The following IPO11 variants were observed in gnomAD, a reference collection of about 807,000 sequenced individuals.
The protein encoded by IPO11 is importin-11.
IPO11 carries 66 observed loss-of-function variants against 143.2 expected under a neutral mutation model. The ratio of observed to expected loss-of-function variants is 0.46; its 90% CI spans 0.38 to 0.57. IPO11 has a LOEUF of 0.57. IPO11 is among the 20% of genes least tolerant of loss of function. IPO11 has a pLI of 0.00. For synonymous variants in IPO11, 385 were observed against 377.8 expected (o/e 1.02, Z -0.22); for missense variants, 1,026 against 1,141.0 (o/e 0.90, Z 1.45).
intron 29 of IPO11, among the ~76,000 whole-genome samples, chr5:62,611,097 A>G (rs1014293286): frequency 6.6e-6 from 1 of 152,218 alleles, no homozygotes; most frequent in Non-Finnish European, 1.5e-5. Context: ...ATTGTAGGAC[A>G]TATAACTTTA....
chr5:62,586,969 A>C (rs1744817931), intron 27 of IPO11, among the ~76,000 whole-genome samples: 1 of 151,118 alleles, frequency 6.6e-6, no homozygotes, highest in Non-Finnish European at 1.5e-5. Flanking sequence ...AAGTGTTTTT[A>C]TTCAGCTGAA....
intron 2 of IPO11, among the ~76,000 whole-genome samples, chr5:62,439,867 G>T (rs1264115527): frequency 6.6e-6 from 1 of 152,126 alleles, no homozygotes; most frequent in African/African-American, 2.4e-5. Flanking sequence ...GGAGACTCCT[G>T]TATTTGTATA....
intron 9 of IPO11, among the ~76,000 whole-genome samples, chr5:62,476,983 A>C (rs879668405): frequency 2.6e-5 from 4 of 152,192 alleles, no homozygotes; most frequent in Non-Finnish European, 5.9e-5. Flanking sequence ...ATGAAAAATA[A>C]ATTCTAATAA....
At chr5:62,485,031 T>G (rs1272820869) in intron 11 of IPO11, among the ~76,000 whole-genome samples, 1 of 152,096 alleles carries the variant, frequency 6.6e-6, no homozygotes, top group East Asian at 1.9e-4. Context: ...TTCAAGAAAT[T>G]TATGGAGAGT....
intron 18 of IPO11, among the ~76,000 whole-genome samples, chr5:62,505,195 T>TA (rs1741513572): frequency 6.6e-6 from 1 of 152,260 alleles, no homozygotes; most frequent in African/African-American, 2.4e-5. Context: ...ATCTTCATTT[T>TA]ATGTGTGTCT....
chr5:62,494,641 G>A (rs1012173033), intron 16 of IPO11, among the ~76,000 whole-genome samples: 3 of 151,950 alleles, frequency 2.0e-5, no homozygotes, highest in Admixed American at 6.6e-5. Context: ...CAAAGCAGTA[G>A]GTTTGCTGCT....
chr5:62,477,222 A>C (rs1745991655), intron 9 of IPO11, among the ~76,000 whole-genome samples: 1 of 152,154 alleles, frequency 6.6e-6, no homozygotes, highest in South Asian at 2.1e-4. Flanking sequence ...TACATTTTAT[A>C]AAACATTAAC....
intron 21 of IPO11, among the ~76,000 whole-genome samples, chr5:62,528,665 A>T (rs1742445173): frequency 6.6e-6 from 1 of 152,160 alleles, no homozygotes; most frequent in Non-Finnish European, 1.5e-5. Flanking sequence ...GTGGAATGAG[A>T]TAGGGAGGTG....
intron 13 of IPO11, 134 bp downstream of exon 13, chr5:62,487,995 T>A: frequency 1.4e-6 from 1 of 702,156 alleles, no homozygotes; most frequent in Non-Finnish European, 2.2e-6. Flanking sequence ...AAAACAATTT[T>A]AAAACTTATT....
At chr5:62,558,967 T>C (rs1743672582) in intron 26 of IPO11, among the ~76,000 whole-genome samples, 1 of 152,220 alleles carries the variant, frequency 6.6e-6, no homozygotes, top group South Asian at 2.1e-4. Context: ...TACACTATAC[T>C]GTAGTATATT....
At position 62,592,758 on chromosome 5, in the gene IPO11, G is replaced by A. The variant is rs72752607; in HGVS notation, c.2678+1086G>A. ...CAGGAAGGAGAAGTGCTGTGCAAAA[G>A]GGGAAAAACCCCTTATGAAACCATC... On this transcript the variant is annotated intron_variant, in intron 28 of 29. Coordinates refer to ENST00000325324, the MANE Select transcript of IPO11 (RefSeq NM_016338.5). Among the ~76,000 whole-genome samples, 344 of 152,168 alleles carry A rather than the reference G, an allele frequency of 2.3e-3. 1 individual carries two copies. Among genetic ancestry groups the A allele is most frequent in the South Asian group, 3.5e-3 (17 of 4,826 alleles).
chr5:62,585,293 C>A (rs1259765587), intron 27 of IPO11, among the ~76,000 whole-genome samples: 1 of 152,170 alleles, frequency 6.6e-6, no homozygotes, highest in East Asian at 1.9e-4. Flanking sequence ...TCCTCAGTTA[C>A]CTGCTTCTCA....
At chr5:62,466,993 C>A (rs1458720800) in intron 5 of IPO11, 138 bp from the exon 6 acceptor site, 1 of 793,556 alleles carries the variant, frequency 1.3e-6, no homozygotes, top group African/African-American at 1.8e-5. Context: ...AACATTGCCA[C>A]AAATATTCTT....
intron 28 of IPO11, among the ~76,000 whole-genome samples, chr5:62,600,550 G>T (rs536984869): frequency 6.6e-6 from 1 of 152,298 alleles, no homozygotes; most frequent in South Asian, 2.1e-4. Flanking sequence ...TTATTATTCA[G>T]TTCTAAAATA....
At chr5:62,504,639 T>TA in intron 16 of IPO11, 28 bp from the exon 17 acceptor site, 1 of 1,332,450 alleles carries the variant, frequency 7.5e-7, no homozygotes, top group South Asian at 1.4e-5. Context: ...CTAAAATAAT[T>TA]AAAAACTAAT....
At chr5:62,466,768 A>G (rs1487611658) in intron 5 of IPO11, among the ~76,000 whole-genome samples, 1 of 152,248 alleles carries the variant, frequency 6.6e-6, no homozygotes, top group Non-Finnish European at 1.5e-5. Context: ...TGACATACTC[A>G]GTGACAGTCC....
chr5:62,488,000 C>T (rs1298447820), intron 13 of IPO11, 139 bp downstream of exon 13: 1 of 680,670 alleles, frequency 1.5e-6, no homozygotes, highest in African/African-American at 1.9e-5. Flanking sequence ...AATTTTAAAA[C>T]TTATTATCTT....
chr5:62,551,107 A>G (rs948868561), intron 25 of IPO11, 116 bp from the exon 26 acceptor site: 7 of 564,950 alleles, frequency 1.2e-5, no homozygotes, highest in Admixed American at 5.2e-5. Context: ...CATTCTAAAG[A>G]GAAGTAACAT....
At chr5:62,527,395 G>A (rs1580286130) in intron 21 of IPO11, among the ~76,000 whole-genome samples, 2 of 152,282 alleles carry the variant, frequency 1.3e-5, no homozygotes, top group East Asian at 3.9e-4. Context: ...ATGTAAGTAG[G>A]TATGGCTGTG....
Sources: gnomAD v4.1 joint callset for allele counts (sites outside exome capture counted in the v4.1 genomes callset) on GRCh38, gnomAD v4.1.1 for gene constraint, MANE v1.5 for transcripts, NCBI Gene and HGNC (gene_info 2026-07-23, HGNC 2026-07-21) for gene names.